Variants in DIAPH2 observed in about 807,000 individuals in gnomAD.
DIAPH2 encodes protein diaphanous homolog 2.
A neutral mutation model predicts 92.7 loss-of-function variants in DIAPH2; 35 were observed. That is an observed-to-expected ratio of 0.38 (90% confidence interval 0.29 to 0.50). DIAPH2 has a LOEUF of 0.50. DIAPH2 is among the 20% of genes least tolerant of loss of function. The pLI is 0.94. For missense variants in DIAPH2, 701 were observed against 819.5 expected, an observed-to-expected ratio of 0.86 and a Z score of 1.77; for synonymous variants, 301 against 280.4, an observed-to-expected ratio of 1.07 and a Z score of -0.73.
intron 24 of DIAPH2, among the ~76,000 whole-genome samples, chrX:97,357,047 A>T (rs761758215): frequency 8.9e-6 from 1 of 111,802 alleles, no homozygotes; most frequent in Non-Finnish European, 1.9e-5. Flanking sequence ...AACAGAATGT[A>T]ATATCTTTAG....
chrX:96,877,166 T>A (rs1181924272), intron 4 of DIAPH2, among the ~76,000 whole-genome samples: 1 of 111,056 alleles, frequency 9.0e-6, no homozygotes, highest in Non-Finnish European at 1.9e-5. Flanking sequence ...ACTTATTTTG[T>A]GTTTCCCTTT....
chrX:97,041,333 T>C (rs1431583187), intron 17 of DIAPH2, among the ~76,000 whole-genome samples: 1 of 111,573 alleles, frequency 9.0e-6, no homozygotes, highest in Non-Finnish European at 1.9e-5. Context: ...AAATTTCTAC[T>C]TGTGAAGTGT....
intron 26 of DIAPH2, among the ~76,000 whole-genome samples, chrX:97,515,266 C>T (rs1173072366): frequency 8.9e-6 from 1 of 112,333 alleles, no homozygotes; most frequent in Non-Finnish European, 1.9e-5. Flanking sequence ...GGGAGTGATC[C>T]GATTTTCCAG....
chrX:96,803,367 A>G (rs1297632225), intron 4 of DIAPH2, among the ~76,000 whole-genome samples: 2 of 111,883 alleles, frequency 1.8e-5, no homozygotes, highest in Non-Finnish European at 3.8e-5. Context: ...CTATATATCA[A>G]TTTATGTTTG....
chrX:96,888,581 C>CTG (rs2065283214), intron 5 of DIAPH2, among the ~76,000 whole-genome samples: 1 of 92,046 alleles, frequency 1.1e-5, no homozygotes, highest in Admixed American at 1.3e-4. Context: ...ATATATATAT[C>CTG]TATATATATA....
At chrX:96,923,299 T>C (rs1320211985) in intron 9 of DIAPH2, among the ~76,000 whole-genome samples, 2 of 111,935 alleles carry the variant, frequency 1.8e-5, no homozygotes, top group Non-Finnish European at 3.8e-5. Context: ...TAATGAACTC[T>C]GCACATTTTG....
chrX:97,484,623 G>T (rs752207806), intron 26 of DIAPH2, among the ~76,000 whole-genome samples: 1 of 112,478 alleles, frequency 8.9e-6, no homozygotes, highest in South Asian at 3.7e-4. Flanking sequence ...ATCAGGCCAG[G>T]TGTGGTGGCT....
At chrX:96,694,947 CT>C (rs781695336) in intron 1 of DIAPH2, among the ~76,000 whole-genome samples, 1,798 of 90,046 alleles carry the variant, frequency 0.02, 22 homozygotes, top group African/African-American at 0.067. Context: ...AGCTAATGGT[CT>C]TTTTTTTTTT....
intron 4 of DIAPH2, among the ~76,000 whole-genome samples, chrX:96,843,048 C>T (rs1380093692): frequency 1.8e-5 from 2 of 111,378 alleles, no homozygotes; most frequent in Non-Finnish European, 3.8e-5. Flanking sequence ...AAATGTAATT[C>T]CCATTGTTGG....
In DIAPH2 at chrX:97,399,797, T is replaced by C. The variant is rs141973231; in HGVS notation, c.3145+15753T>C. ...CTGTTTTTCTCTTTCATTACATTTC[T>C]GAAAATCATTAGGTTGATTCAAAAT... On this transcript the variant is annotated intron_variant, in intron 25 of 26. Coordinates refer to ENST00000324765, the MANE Select transcript of DIAPH2 (RefSeq NM_006729.5). Among the ~76,000 whole-genome samples, 527 of 112,808 alleles carry C rather than the reference T, an allele frequency of 4.7e-3. 2 individuals are homozygous for C. The highest frequency in any genetic ancestry group is 8.5e-3 in the Non-Finnish European group (452 of 53,338).
rs1446049809 is a variant in DIAPH2 at position 97,250,564 on chromosome X, G to C, written c.2844+2725G>C. On this transcript the variant is annotated intron_variant, in intron 23 of 26. Transcript: ENST00000324765. ...CAGTACACAAGATGATAGAAAACTT[G>C]ACCTCAGGCTGCTGACAGTCTGACA... 7.1e-5 allele frequency among the ~76,000 whole-genome samples: 8 copies of C among 111,949 alleles called. No individual in the cohort carries two copies. The Admixed American group carries it at 7.6e-4, about 11-fold the overall frequency.
At chrX:97,180,087 T>C (rs540007502) in intron 22 of DIAPH2, among the ~76,000 whole-genome samples, 1 of 111,847 alleles carries the variant, frequency 8.9e-6, no homozygotes, top group Non-Finnish European at 1.9e-5. Context: ...AGTATTGGGA[T>C]TGCTGGGTCA....
intron 23 of DIAPH2, among the ~76,000 whole-genome samples, chrX:97,275,262 G>A (rs1380450753): frequency 1.9e-4 from 19 of 102,224 alleles, no homozygotes; most frequent in Non-Finnish European, 3.6e-4. Context: ...GCGGCTGGCC[G>A]GGCAGGGGCT....
chrX:96,842,194 C>T (rs957754414), intron 4 of DIAPH2, among the ~76,000 whole-genome samples: 2 of 111,778 alleles, frequency 1.8e-5, no homozygotes, highest in African/African-American at 6.5e-5. Flanking sequence ...ACTAAAGGTC[C>T]AGTGCCATTT....
rs749071165 is a variant in DIAPH2, at chrX:97,177,853, A to G, written c.2719+36059A>G. On this transcript the variant is annotated intron_variant, in intron 22 of 26. Transcript: ENST00000324765. Reference sequence around the variant, plus strand: ...TGCACACTCTGTGCTCTAGTTTTCTATTAATATCAATAAAGCGGTATTTAT... The same window carrying G: ...TGCACACTCTGTGCTCTAGTTTTCTGTTAATATCAATAAAGCGGTATTTAT... Among the ~76,000 whole-genome samples the G allele has an allele frequency of 2.2e-4, 24 of 110,820 alleles. No homozygotes were observed. In the Admixed American group the frequency reaches 2.3e-3, roughly 11 times the overall value.
rs1176146806 is a variant in DIAPH2 at position 96,882,833 on chromosome X, C to T, written c.587+1115C>T. Among the ~76,000 whole-genome samples the T allele has an allele frequency of 9.5e-5, 10 of 105,490 alleles. No individual in the cohort carries two copies. In the East Asian group the frequency reaches 2.7e-3, roughly 29 times the overall value. 91.6% of individuals were successfully genotyped at this position (105,490 alleles called of 115,157 possible). On this transcript the variant is annotated intron_variant, in intron 5 of 26. Coordinates refer to ENST00000324765, the MANE Select transcript of DIAPH2 (RefSeq NM_006729.5). Reference sequence around the variant, plus strand: ...AGTCAGCCAGGTGTGGTGATGTGCGCCTGTGGTCCCAGGTATTCACGAGGC... The same window carrying T: ...AGTCAGCCAGGTGTGGTGATGTGCGTCTGTGGTCCCAGGTATTCACGAGGC...
rs866145435 is a variant in DIAPH2, at chrX:96,939,558, A to G, written c.1325+176A>G. 1.2e-4 allele frequency among the ~76,000 whole-genome samples: 8 copies of G among 68,860 alleles called. No individual in the cohort carries two copies. The highest frequency in any genetic ancestry group is 1.7e-4 in the African/African-American group (3 of 17,793). The allele number at this position is 68,860 out of a possible 115,157, so 59.8% of individuals were successfully genotyped here. ...TATATATATGTATGTATATATGTAT[A>G]TATATATATGTGTGTGTGTGTGTAT... On this transcript the variant is annotated intron_variant, in intron 12 of 26. Transcript: ENST00000324765.
intron 2 of DIAPH2, among the ~76,000 whole-genome samples, chrX:96,737,579 T>C (rs1185378289): frequency 1.8e-5 from 2 of 111,855 alleles, no homozygotes; most frequent in Non-Finnish European, 3.8e-5. Context: ...TTCAGTTTTA[T>C]GCACATTACT....
intron 4 of DIAPH2, among the ~76,000 whole-genome samples, chrX:96,863,616 A>G (rs1013094701): frequency 9.1e-6 from 1 of 110,302 alleles, no homozygotes; most frequent in Non-Finnish European, 1.9e-5. Context: ...AGTTTTTTTT[A>G]CCTAATTGAA....
Sources: allele counts gnomAD v4.1 joint callset (sites outside exome capture counted in the v4.1 genomes callset), GRCh38; gene constraint gnomAD v4.1.1; transcripts MANE v1.5; gene names NCBI Gene and HGNC (gene_info 2026-07-23, HGNC 2026-07-21).